Variants in GABRA1 observed in about 807,000 individuals in gnomAD.
GABRA1 encodes the protein gamma-aminobutyric acid type A receptor subunit alpha1.
GABRA1 carries 9 observed loss-of-function variants against 48.9 expected under a neutral mutation model. That is an observed-to-expected ratio of 0.18 (90% CI 0.11 to 0.32). The LOEUF (loss-of-function observed/expected upper bound fraction) is 0.32, where lower values mean the gene tolerates loss of function less well. Among genes scored for constraint, GABRA1 ranks in the 10% least tolerant of loss-of-function variants. GABRA1 has a pLI of 1.00. For synonymous variants in GABRA1, 210 were observed against 198.7 expected (o/e 1.06, Z -0.48); for missense variants, 285 against 553.8 (o/e 0.51, Z 4.87).
upstream of GABRA1, chr5:161,847,316 A>G (rs1482526145): frequency 6.6e-6 from 1 of 152,164 alleles, no homozygotes; most frequent in Non-Finnish European, 1.5e-5. Flanking sequence ...CAAAGGAATG[A>G]TTCCGGAAAT....
chr5:161,891,196 C>T (rs904960237), intron 8 of GABRA1, 146 bp downstream of exon 8: 10 of 766,908 alleles, frequency 1.3e-5, no homozygotes, highest in Admixed American at 2.2e-5. Flanking sequence ...TTGCCACTCT[C>T]ATTATGGTAT....
Position 161,865,779 on chromosome 5 carries a change from C to T in GABRA1, c.246C>T (p.Asp82=). ...TCACCAGTTTCGGACCCGTTTCAGA[C>T]CATGATATGGTAAGTGGACACTTTA... ...IFVTSFGPVS[D]HDMEYTIDVF... The change falls in exon 4 of 10, where the codon GAC becomes GAT. Residue 82 remains aspartate (D), a synonymous_variant. Coordinates refer to ENST00000393943, the MANE Select transcript of GABRA1 (RefSeq NM_001127644.2). The T allele has an allele frequency of 6.2e-7, 1 of 1,611,266 alleles. No individual in the cohort carries two copies. The highest frequency in any genetic ancestry group is 1.1e-5 in the South Asian group (1 of 91,038).
chr5:161,863,638 G>A (rs758593602), intron 3 of GABRA1, among the ~76,000 whole-genome samples: 48 of 151,982 alleles, frequency 3.2e-4, no homozygotes, highest in East Asian at 3.9e-4. Flanking sequence ...AGATTTGGGC[G>A]GGGACAAATA....
intron 8 of GABRA1, among the ~76,000 whole-genome samples, chr5:161,895,390 C>A (rs1040624566): frequency 6.6e-6 from 1 of 152,038 alleles, no homozygotes; most frequent in African/African-American, 2.4e-5. Flanking sequence ...ATGTTCAAAG[C>A]GCCAATTTAA....
chr5:161,879,856 T>C (rs1476999300), intron 6 of GABRA1, among the ~76,000 whole-genome samples: 1 of 152,078 alleles, frequency 6.6e-6, no homozygotes, highest in Non-Finnish European at 1.5e-5. Context: ...AACACATTTT[T>C]CCCCCTCTAC....
At chr5:161,892,307 T>C (rs1755128050) in intron 8 of GABRA1, among the ~76,000 whole-genome samples, 1 of 152,208 alleles carries the variant, frequency 6.6e-6, no homozygotes, top group Admixed American at 6.5e-5. Context: ...AAACTGAGGA[T>C]TATTCACCTG....
At chr5:161,860,768 T>A (rs1417052170) in intron 3 of GABRA1, among the ~76,000 whole-genome samples, 1 of 151,688 alleles carries the variant, frequency 6.6e-6, no homozygotes, top group African/African-American at 2.4e-5. Flanking sequence ...ATACACCTAT[T>A]AGGTATCCAC....
chr5:161,882,792 G>C lies in GABRA1; in HGVS notation c.703+91G>C, dbSNP rs1004930951. On this transcript the variant is annotated intron_variant, in intron 7 of 9. Transcript: ENST00000393943. The stretch of plus-strand genomic sequence containing the variant: ...TGAATCATTCAGTAACACAAGTCTA[G>C]GAGAGAGAACATTTCACTAAATTGG... 24 of 1,283,924 alleles carry C rather than the reference G, an allele frequency of 1.9e-5. No homozygotes were observed. The African/African-American group carries it at 3.5e-4, about 19-fold the overall frequency. 79.5% of individuals were successfully genotyped at this position (1,283,924 alleles called of 1,614,324 possible).
chr5:161,864,037 T>C (rs1228185484), intron 3 of GABRA1, among the ~76,000 whole-genome samples: 3 of 151,876 alleles, frequency 2.0e-5, no homozygotes, highest in African/African-American at 4.8e-5. Context: ...AATGAAAGAA[T>C]TTCTTGGGTA....
At chr5:161,891,834 C>A (rs185105208) in intron 8 of GABRA1, among the ~76,000 whole-genome samples, 1 of 152,108 alleles carries the variant, frequency 6.6e-6, no homozygotes, top group Admixed American at 6.6e-5. Flanking sequence ...TCACCACTCT[C>A]GTTATGAAAA....
chr5:161,872,364 C>G (rs898209551), intron 4 of GABRA1: 1 of 152,568 alleles, frequency 6.6e-6, no homozygotes, highest in African/African-American at 2.4e-5. Flanking sequence ...TAAATAGATT[C>G]CCTGGCTGTG....
chr5:161,893,045 T>TAAAAA (rs201703824), intron 8 of GABRA1, among the ~76,000 whole-genome samples: 91 of 86,324 alleles, frequency 1.1e-3, no homozygotes, highest in Admixed American at 7.7e-3. Flanking sequence ...ATAATAATAA[T>TAAAAA]AATAAAATAA....
chr5:161,866,834 G>A (rs1753881748), intron 4 of GABRA1, among the ~76,000 whole-genome samples: 1 of 152,108 alleles, frequency 6.6e-6, no homozygotes, highest in Non-Finnish European at 1.5e-5. Context: ...TTTAAGACAA[G>A]TTTTGAAATA....
chr5:161,856,973 A>G (rs896586016), intron 3 of GABRA1, among the ~76,000 whole-genome samples: 7 of 151,034 alleles, frequency 4.6e-5, no homozygotes, highest in African/African-American at 1.5e-4. Flanking sequence ...TTCATCTACC[A>G]TGAATTTTTG....
At chr5:161,848,879 T>C in intron 1 of GABRA1, 1 of 432,360 alleles carries the variant, frequency 2.3e-6, no homozygotes, top group Admixed American at 2.5e-5. Flanking sequence ...GTCTCACTGT[T>C]CCATCATCCT....
chr5:161,896,340 C>G (rs745753880), intron 9 of GABRA1, among the ~76,000 whole-genome samples: 1 of 152,180 alleles, frequency 6.6e-6, no homozygotes, highest in African/African-American at 2.4e-5. Context: ...CCCTAGTTCT[C>G]TGCAAAGTCA....
At chr5:161,872,688 C>A (rs754869153) in intron 4 of GABRA1, among the ~76,000 whole-genome samples, 2 of 152,016 alleles carry the variant, frequency 1.3e-5, no homozygotes, top group South Asian at 4.1e-4. Context: ...AATGAGAGGG[C>A]CCCCAAAACA....
intron 6 of GABRA1, among the ~76,000 whole-genome samples, chr5:161,877,444 T>A (rs1193068187): frequency 6.6e-6 from 1 of 152,178 alleles, no homozygotes; most frequent in African/African-American, 2.4e-5. Flanking sequence ...ACAAGGCCAC[T>A]GTCTTAAGAT....
chr5:161,871,532 A>G (rs538330793), intron 4 of GABRA1, among the ~76,000 whole-genome samples: 12 of 152,214 alleles, frequency 7.9e-5, no homozygotes, highest in South Asian at 2.1e-4. Context: ...GGCACATTGT[A>G]TCACTTGCTG....
Sources: gnomAD v4.1 joint callset for allele counts (sites outside exome capture counted in the v4.1 genomes callset) on GRCh38, gnomAD v4.1.1 for gene constraint, MANE v1.5 for transcripts, NCBI Gene and HGNC (gene_info 2026-07-23, HGNC 2026-07-21) for gene names.